NAALADL2: variants seen among roughly 807,000 people sequenced by gnomAD.
The protein encoded by NAALADL2 is inactive N-acetylated-alpha-linked acidic dipeptidase-like protein 2.
Under a neutral mutation model 87.2 loss-of-function variants are expected in NAALADL2, and 76 were observed. That is an observed-to-expected ratio of 0.87 (90% CI 0.72 to 1.05). The LOEUF (loss-of-function observed/expected upper bound fraction) is 1.05, where lower values mean the gene tolerates loss of function less well. NAALADL2 is among the 50% of genes least tolerant of loss of function. NAALADL2 has a pLI of 0.00. For missense variants in NAALADL2, 1,089 were observed against 945.8 expected, an observed-to-expected ratio of 1.15 and a Z score of -1.99; for synonymous variants, 354 against 331.0, an observed-to-expected ratio of 1.07 and a Z score of -0.75.
chr3:175,334,174 G>T (rs538127448), intron 5 of NAALADL2, among the ~76,000 whole-genome samples: 5 of 152,136 alleles, frequency 3.3e-5, no homozygotes, highest in African/African-American at 9.6e-5. Context: ...CAATATCTGG[G>T]TGCTAGACTT....
chr3:175,356,609 T>TAAAAAA (rs200326548), intron 5 of NAALADL2, among the ~76,000 whole-genome samples: 2 of 132,914 alleles, frequency 1.5e-5, no homozygotes, highest in African/African-American at 3.2e-5. Flanking sequence ...ATAATAATAA[T>TAAAAAA]AAAGAAATAA....
chr3:174,874,598 G>A lies in NAALADL2; in HGVS notation c.43+15148G>A, dbSNP rs558046846. The stretch of plus-strand genomic sequence containing the variant: ...TCTAGGGTGTGAGGGCAATCTATAC[G>A]TGTGTAAAAGCATCATTGAGAAGGT... On this transcript the variant is annotated intron_variant, in intron 1 of 13. Transcript: ENST00000454872. Among the ~76,000 whole-genome samples the A allele has an allele frequency of 9.2e-5, 14 of 152,232 alleles. No homozygotes were observed. In the East Asian group the frequency reaches 1.2e-3, roughly 13 times the overall value.
chr3:175,781,503 T>C lies in NAALADL2; in HGVS notation c.2190-21502T>C, dbSNP rs201711882. ...AAGTACAGTACCTGATACTTGATGA[T>C]TGATAATAAATGACTTCAATCCTAG... On this transcript the variant is annotated intron_variant, in intron 13 of 13. Transcript: ENST00000454872. Among the ~76,000 whole-genome samples, 11 of 152,172 alleles carry C rather than the reference T, an allele frequency of 7.2e-5. No individual in the cohort carries two copies. The East Asian group carries it at 1.4e-3, about 19-fold the overall frequency.
intron 1 of NAALADL2, among the ~76,000 whole-genome samples, chr3:175,055,603 C>T (rs148314235): frequency 0.013 from 2,007 of 152,330 alleles, 53 homozygotes; most frequent in African/African-American, 0.046. Flanking sequence ...CTCCTCATGG[C>T]GTTTCCCGAA....
intron 1 of NAALADL2, among the ~76,000 whole-genome samples, chr3:174,911,012 C>G (rs1320655889): frequency 6.6e-6 from 1 of 152,116 alleles, no homozygotes; most frequent in East Asian, 1.9e-4. Flanking sequence ...CAGGGGCCAC[C>G]ACCTTACCTG....
chr3:174,535,762 G>C (rs1158689716), intron 1 of NAALADL2, among the ~76,000 whole-genome samples: 1 of 152,022 alleles, frequency 6.6e-6, no homozygotes, highest in Non-Finnish European at 1.5e-5. Context: ...GAGTTTATCA[G>C]TTCAACAAAT....
chr3:174,801,318 A>T (rs1244447412), intron 3 of NAALADL2, among the ~76,000 whole-genome samples: 1 of 152,102 alleles, frequency 6.6e-6, no homozygotes, highest in East Asian at 1.9e-4. Context: ...GTCTCATGAG[A>T]TCTGATGGTT....
chr3:174,911,951 C>T (rs1733762887), intron 1 of NAALADL2, among the ~76,000 whole-genome samples: 1 of 152,066 alleles, frequency 6.6e-6, no homozygotes, highest in Non-Finnish European at 1.5e-5. Context: ...TAGCTGTCTT[C>T]CACTAGGGCT....
At chr3:174,907,028 A>C (rs1733065171) in intron 1 of NAALADL2, among the ~76,000 whole-genome samples, 2 of 152,228 alleles carry the variant, frequency 1.3e-5, no homozygotes, top group Admixed American at 1.3e-4. Flanking sequence ...CAGATAACTC[A>C]TAACTCTTTG....
intron 1 of NAALADL2, among the ~76,000 whole-genome samples, chr3:174,997,334 C>G (rs1462002999): frequency 6.6e-6 from 1 of 151,986 alleles, no homozygotes; most frequent in Non-Finnish European, 1.5e-5. Context: ...ACACCAACAT[C>G]TATTGTTTTT....
chr3:175,523,273 T>C lies in NAALADL2; in HGVS notation c.1653+51515T>C, dbSNP rs538348425. On this transcript the variant is annotated intron_variant, in intron 9 of 13. Transcript: ENST00000454872. ...GAAGTTATTACTGGCGTCTAATGGA[T>C]AGAGAGCAGAAATGCTGCTAAATAT... 7.9e-5 allele frequency among the ~76,000 whole-genome samples: 12 copies of C among 152,314 alleles called. No homozygotes were observed. The East Asian group carries it at 2.3e-3, about 29-fold the overall frequency.
At position 175,737,399 on chromosome 3, in the gene NAALADL2, G is replaced by T; in HGVS notation, c.1990G>T (p.Gly664Cys). Residue 664 changes from glycine to cysteine, a missense_variant and splice_region_variant, in exon 12 of 14, where the codon GGT (glycine) becomes TGT (cysteine). By Grantham distance (159) the Gly-to-Cys change is radical. Transcript: ENST00000454872. ...IALEVQNNLK[G>C]DQPNTHQLLA... is the part of the protein sequence containing the mutation. ...TTTAGAAGTTCAAAACAACCTTAAA[G>T]GTAATTTTCCTTTGAATTATAGTAA... 6.4e-7 allele frequency: 1 copy of T among 1,568,542 alleles called. No homozygotes were observed. Among genetic ancestry groups the T allele is most frequent in the Non-Finnish European group, 8.8e-7 (1 of 1,141,006 alleles).
In NAALADL2 at chr3:175,242,103, G is replaced by A. The variant is rs553379367; in HGVS notation, c.819+7899G>A. Reference sequence around the variant, plus strand: ...TCTTGAACTCCTGACCTCGTGATCCGCCCACCTCAGCCTCCCAAAATGCTG... The same window carrying A: ...TCTTGAACTCCTGACCTCGTGATCCACCCACCTCAGCCTCCCAAAATGCTG... On this transcript the variant is annotated intron_variant, in intron 3 of 13. Transcript: ENST00000454872. Among the ~76,000 whole-genome samples, 114 of 151,412 alleles carry A rather than the reference G, an allele frequency of 7.5e-4. 1 individual carries two copies. Among genetic ancestry groups the A allele is most frequent in the African/African-American group, 2.6e-3 (109 of 41,262 alleles).
chr3:175,386,165 G>C (rs983699842), intron 5 of NAALADL2, among the ~76,000 whole-genome samples: 18 of 151,524 alleles, frequency 1.2e-4, no homozygotes, highest in Admixed American at 9.2e-4. Flanking sequence ...CTTGATTGTT[G>C]GTTTGATAGA....
At chr3:175,383,382 C>G (rs971869470) in intron 5 of NAALADL2, among the ~76,000 whole-genome samples, 1 of 151,722 alleles carries the variant, frequency 6.6e-6, no homozygotes, top group African/African-American at 2.4e-5. Flanking sequence ...TTAAATCAAG[C>G]TAATTAATAT....
chr3:175,586,231 ATTTTTTAAAT>A (rs113649606), intron 10 of NAALADL2, among the ~76,000 whole-genome samples: 12,703 of 152,042 alleles, frequency 0.084, 1,231 homozygotes, highest in African/African-American at 0.23. Context: ...TCTTGTTTTT[ATTTTTTAAAT>A]AAGCAAATGT....
chr3:175,593,771 TC>T (rs1721862137), intron 10 of NAALADL2, among the ~76,000 whole-genome samples: 1 of 70,700 alleles, frequency 1.4e-5, no homozygotes, highest in Admixed American at 1.5e-4. Context: ...GGGCCCACTC[TC>T]AAAAAAAAAA....
At chr3:175,250,436 A>G (rs546497838) in intron 3 of NAALADL2, among the ~76,000 whole-genome samples, 1 of 152,266 alleles carries the variant, frequency 6.6e-6, no homozygotes, top group South Asian at 2.1e-4. Context: ...TGTTTAAGCC[A>G]TCCAGCCTAT....
At chr3:174,675,682 A>C (rs1726978655) in intron 2 of NAALADL2, among the ~76,000 whole-genome samples, 1 of 152,088 alleles carries the variant, frequency 6.6e-6, no homozygotes, top group South Asian at 2.1e-4. Context: ...TTCTCTATAG[A>C]GAAAGTTGTT....
Sources: allele counts gnomAD v4.1 joint callset (sites outside exome capture counted in the v4.1 genomes callset), GRCh38; gene constraint gnomAD v4.1.1; transcripts MANE v1.5; gene names NCBI Gene and HGNC (gene_info 2026-07-23, HGNC 2026-07-21).